The following TBC1D22A variants were observed in gnomAD, a reference collection of about 807,000 sequenced individuals.
The protein encoded by TBC1D22A is putative GTPase activator.
A neutral mutation model predicts 60.2 loss-of-function variants in TBC1D22A; 38 were observed. The observed-to-expected ratio is 0.63, with a 90% CI of 0.49 to 0.83. TBC1D22A has a LOEUF of 0.83. TBC1D22A is among the 40% of genes least tolerant of loss of function. The pLI is 0.00. For missense variants in TBC1D22A, 628 were observed against 701.0 expected, an observed-to-expected ratio of 0.90 and a Z score of 1.18; for synonymous variants, 302 against 281.7, an observed-to-expected ratio of 1.07 and a Z score of -0.72.
chr22:46,781,902 C>G (rs1037948338), intron 1 of TBC1D22A, among the ~76,000 whole-genome samples: 2 of 152,198 alleles, frequency 1.3e-5, no homozygotes, highest in Admixed American at 1.3e-4. Flanking sequence ...AACTAATGGC[C>G]CCTGCCTTGC....
chr22:46,838,881 T>C (rs1029878005), intron 4 of TBC1D22A, among the ~76,000 whole-genome samples: 3 of 152,100 alleles, frequency 2.0e-5, no homozygotes, highest in African/African-American at 7.2e-5. Context: ...TTTCAATAAA[T>C]CAGGTATAGA....
chr22:47,125,419 A>G (rs1489795384), intron 12 of TBC1D22A, among the ~76,000 whole-genome samples: 1 of 152,224 alleles, frequency 6.6e-6, no homozygotes, highest in African/African-American at 2.4e-5. Flanking sequence ...TCACACGGTG[A>G]CACCAGCAGG....
chr22:46,824,917 A>G (rs1166985689), intron 4 of TBC1D22A, among the ~76,000 whole-genome samples: 1 of 151,988 alleles, frequency 6.6e-6, no homozygotes, highest in African/African-American at 2.4e-5. Flanking sequence ...CAGGGTGTCA[A>G]GTGGGCAGCT....
intron 10 of TBC1D22A, among the ~76,000 whole-genome samples, chr22:47,027,121 A>G (rs776962362): frequency 1.3e-5 from 2 of 152,238 alleles, no homozygotes; most frequent in Non-Finnish European, 2.9e-5. Context: ...CATATGTGCA[A>G]TGATTTCCAA....
intron 9 of TBC1D22A, among the ~76,000 whole-genome samples, chr22:46,987,915 CCGGTCAGTTCTCCCAAGCCCTGCCA>C (rs2074788581): frequency 6.6e-6 from 1 of 152,158 alleles, no homozygotes; most frequent in African/African-American, 2.4e-5. Flanking sequence ...TTTCAAAACC[CCGGTCAGTTCTCCCAAGCCCTGCCA>C]CTGCTTTATC....
At chr22:47,130,916 G>C (rs189574367) in intron 12 of TBC1D22A, among the ~76,000 whole-genome samples, 1 of 152,344 alleles carries the variant, frequency 6.6e-6, no homozygotes, top group South Asian at 2.1e-4. Context: ...TTTGGCTCAG[G>C]GTTTAGCAGG....
intron 11 of TBC1D22A, among the ~76,000 whole-genome samples, chr22:47,044,021 C>T (rs1838435599): frequency 6.6e-6 from 1 of 152,224 alleles, no homozygotes; most frequent in South Asian, 2.1e-4. Flanking sequence ...CCGCCTTTTA[C>T]CATGGGTCCT....
intron 4 of TBC1D22A, among the ~76,000 whole-genome samples, chr22:46,816,805 C>T (rs932132314): frequency 7.9e-5 from 12 of 152,156 alleles, no homozygotes; most frequent in African/African-American, 2.4e-4. Flanking sequence ...TAACATTTCA[C>T]GGTCGTGGTG....
intron 1 of TBC1D22A, chr22:46,789,142 T>TG (rs2084294566): frequency 6.5e-6 from 1 of 153,222 alleles, no homozygotes; most frequent in Admixed American, 6.6e-5. Flanking sequence ...TTTTTTTTTT[T>TG]TTTGAGACAG....
intron 4 of TBC1D22A, among the ~76,000 whole-genome samples, chr22:46,845,268 G>T (rs567489735): frequency 6.6e-6 from 1 of 152,322 alleles, no homozygotes; most frequent in East Asian, 1.9e-4. Context: ...ACGTAAGGAC[G>T]TCTGTGCTTG....
At chr22:47,097,570 C>A (rs893354332) in intron 11 of TBC1D22A, among the ~76,000 whole-genome samples, 4 of 151,660 alleles carry the variant, frequency 2.6e-5, no homozygotes, top group Non-Finnish European at 4.4e-5. Flanking sequence ...GAGATTGCAC[C>A]ACTGCACTCC....
intron 4 of TBC1D22A, among the ~76,000 whole-genome samples, chr22:46,828,118 G>C (rs544410519): frequency 2.6e-5 from 4 of 152,310 alleles, no homozygotes; most frequent in Non-Finnish European, 5.9e-5. Context: ...CCACACTCCC[G>C]TGCCTTCCAA....
At chr22:46,831,957 T>TCC (rs139601) in intron 4 of TBC1D22A, among the ~76,000 whole-genome samples, 1 of 151,892 alleles carries the variant, frequency 6.6e-6, no homozygotes, top group Admixed American at 6.6e-5. Context: ...GAAGGTCCTT[T>TCC]CCCCCCTCAT....
chr22:46,839,087 G>A (rs1017685034), intron 4 of TBC1D22A, among the ~76,000 whole-genome samples: 6 of 152,136 alleles, frequency 3.9e-5, no homozygotes, highest in East Asian at 3.8e-4. Flanking sequence ...GATCTTATAC[G>A]TAGATAACCC....
intron 10 of TBC1D22A, among the ~76,000 whole-genome samples, chr22:47,013,363 G>A (rs1297694712): frequency 6.6e-6 from 1 of 152,178 alleles, no homozygotes; most frequent in East Asian, 1.9e-4. Context: ...CGAGACTGAT[G>A]TTTGGGGTTT....
At chr22:46,789,272 C>T (rs780033688) in intron 1 of TBC1D22A, 15 of 331,930 alleles carry the variant, frequency 4.5e-5, no homozygotes, top group Admixed American at 1.3e-4. Context: ...ATTACAGGCA[C>T]GTGCCACCAA....
intron 12 of TBC1D22A, among the ~76,000 whole-genome samples, chr22:47,169,450 A>AT (rs2068346919): frequency 6.6e-6 from 1 of 152,098 alleles, no homozygotes; most frequent in Non-Finnish European, 1.5e-5. Flanking sequence ...ACAATGGGGC[A>AT]TTTTTTTGAG....
intron 11 of TBC1D22A, among the ~76,000 whole-genome samples, chr22:47,062,407 C>T (rs1055719620): frequency 2.6e-5 from 4 of 152,066 alleles, no homozygotes; most frequent in African/African-American, 7.2e-5. Flanking sequence ...ACAGTCAGCT[C>T]GGAAGCAGCA....
At chr22:46,869,791 G>A (rs1171960368) in intron 4 of TBC1D22A, among the ~76,000 whole-genome samples, 1 of 152,184 alleles carries the variant, frequency 6.6e-6, no homozygotes, top group African/African-American at 2.4e-5. Context: ...CATAATTAAA[G>A]GCAGTTAATA....
Sources: allele counts gnomAD v4.1 joint callset (sites outside exome capture counted in the v4.1 genomes callset), GRCh38; gene constraint gnomAD v4.1.1; transcripts MANE v1.5; gene names NCBI Gene and HGNC (gene_info 2026-07-23, HGNC 2026-07-21).